FAM171A1: variants seen among roughly 807,000 people sequenced by gnomAD.
FAM171A1 encodes protein FAM171A1.
FAM171A1 carries 23 observed loss-of-function variants against 74.9 expected under a neutral mutation model. The observed-to-expected ratio is 0.31, with a 90% CI of 0.22 to 0.44. The LOEUF is 0.44. FAM171A1 is among the 20% of genes least tolerant of loss of function. FAM171A1 has a pLI of 1.00. For synonymous variants in FAM171A1, 527 were observed against 505.7 expected, an observed-to-expected ratio of 1.04 and a Z score of -0.57; for missense variants, 1,162 against 1,159.2, an observed-to-expected ratio of 1.00 and a Z score of -0.03.
Position 15,254,801 on chromosome 10 carries a change from G to T in FAM171A1, c.497C>A (p.Thr166Asn), listed in dbSNP as rs138799489. The T allele has an allele frequency of 1.5e-3, 2,483 of 1,614,212 alleles. 6 individuals carry two copies. The highest frequency in any genetic ancestry group is 2.4e-3 in the Admixed American group (145 of 60,028). Residue 166 changes from threonine to asparagine, a missense_variant, in exon 4 of 8, where the codon ACC becomes AAC. Transcript: ENST00000378116. ...LPENTSYSDL[T>N]AFLTAASSPS... ...GGAGCTGGCGGCCGTGAGAAACGCG[G>T]TCAGGTCACTGTAGCTGGTGTTCTC...
intron 1 of FAM171A1, among the ~76,000 whole-genome samples, chr10:15,293,518 C>G (rs1835125939): frequency 6.9e-6 from 1 of 144,294 alleles, no homozygotes; most frequent in Non-Finnish European, 1.5e-5. Flanking sequence ...TGCCAGAAAG[C>G]AAAAAGAATG....
At chr10:15,356,195 T>C (rs1242654905) in intron 1 of FAM171A1, among the ~76,000 whole-genome samples, 2 of 150,850 alleles carry the variant, frequency 1.3e-5, no homozygotes, top group Non-Finnish European at 3.0e-5. Context: ...TAAAAATCAA[T>C]TCATATATAT....
intron 1 of FAM171A1, among the ~76,000 whole-genome samples, chr10:15,285,672 T>C (rs533266749): frequency 1.3e-5 from 2 of 152,348 alleles, no homozygotes; most frequent in African/African-American, 4.8e-5. Context: ...CCTGGTCACT[T>C]GCAGGCACCA....
At position 15,216,014 on chromosome 10, in the gene FAM171A1, A is replaced by G; in HGVS notation, c.968T>C (p.Leu323Pro). 6.2e-7 allele frequency: 1 copy of G among 1,605,070 alleles called. No individual in the cohort carries two copies. Among genetic ancestry groups the G allele is most frequent in the South Asian group, 1.1e-5 (1 of 88,742 alleles). Residue 323 changes from leucine (L) to proline (P), a missense_variant, in exon 7 of 8, where the codon CTC (leucine) becomes CCC (proline). Leu to Pro is a moderately conservative substitution (Grantham distance 98). Transcript: ENST00000378116. ...MAFILLVLLC[L>P]LLYYCRRKCL... ...ACTTTACCTGCAATAATATAAAAGG[A>G]GACACAGCAAAACCAAAAGTATGAA...
rs1480231449 is a variant in FAM171A1 at position 15,368,598 on chromosome 10, A to T, written c.97+2358T>A. ...CTTCTTAAAATGCAAGCCAATGATGATCACTAAAGGTTGCGTTATGGTGTA... is the reference window on the plus strand; with the variant it reads ...CTTCTTAAAATGCAAGCCAATGATGTTCACTAAAGGTTGCGTTATGGTGTA... On this transcript the variant is annotated intron_variant, in intron 1 of 7. Transcript: ENST00000378116. Among the ~76,000 whole-genome samples the T allele has an allele frequency of 5.9e-5, 9 of 152,342 alleles. No homozygotes were observed. The South Asian group carries it at 1.4e-3, about 25-fold the overall frequency.
intron 1 of FAM171A1, among the ~76,000 whole-genome samples, chr10:15,291,937 CATGGAAATTCTAGA>C: frequency 6.6e-6 from 1 of 152,252 alleles, no homozygotes; most frequent in African/African-American, 2.4e-5. Flanking sequence ...AAATTTTCAA[CATGGAAATTCTAGA>C]ATGCATATAT....
At chr10:15,275,719 T>G in intron 3 of FAM171A1, 136 bp downstream of exon 3, 1 of 493,710 alleles carries the variant, frequency 2.0e-6, no homozygotes, top group East Asian at 3.2e-5. Context: ...ATAGACAAGT[T>G]AATGATGGGT....
chr10:15,267,756 C>T (rs1421216779), intron 3 of FAM171A1, among the ~76,000 whole-genome samples: 1 of 152,018 alleles, frequency 6.6e-6, no homozygotes, highest in East Asian at 1.9e-4. Context: ...GTGAAGTGTC[C>T]AGCTGTCAGG....
intron 3 of FAM171A1, among the ~76,000 whole-genome samples, chr10:15,258,735 G>T (rs1834618657): frequency 6.6e-6 from 1 of 152,104 alleles, no homozygotes; most frequent in Non-Finnish European, 1.5e-5. Context: ...TGCCCCTCCT[G>T]CCCACAATCC....
intron 5 of FAM171A1, among the ~76,000 whole-genome samples, chr10:15,233,155 C>T (rs546336646): frequency 6.6e-6 from 1 of 151,926 alleles, no homozygotes; most frequent in South Asian, 2.1e-4. Context: ...ATTAGCTTGG[C>T]GTGGTGGCCG....
intron 6 of FAM171A1, among the ~76,000 whole-genome samples, chr10:15,217,247 A>G (rs1833978715): frequency 6.6e-6 from 1 of 152,206 alleles, no homozygotes; most frequent in African/African-American, 2.4e-5. Flanking sequence ...AAACCTCCCA[A>G]CATTCCAATA....
At chr10:15,368,821 T>C (rs548852269) in intron 1 of FAM171A1, among the ~76,000 whole-genome samples, 2 of 152,228 alleles carry the variant, frequency 1.3e-5, no homozygotes, top group Admixed American at 6.5e-5. Context: ...AACATTAAGA[T>C]GCTTTGAAGA....
chr10:15,322,532 C>G (rs1219427826), intron 1 of FAM171A1, among the ~76,000 whole-genome samples: 2 of 152,198 alleles, frequency 1.3e-5, no homozygotes, highest in African/African-American at 4.8e-5. Context: ...CCCAAAAGGA[C>G]ACTGCATGCA....
At chr10:15,346,988 G>A (rs1752533076) in intron 1 of FAM171A1, among the ~76,000 whole-genome samples, 1 of 152,184 alleles carries the variant, frequency 6.6e-6, no homozygotes, top group Non-Finnish European at 1.5e-5. Context: ...TGGACATGGT[G>A]CAAAAAACAC....
At chr10:15,225,071 C>T (rs3935884) in intron 5 of FAM171A1, among the ~76,000 whole-genome samples, 73,877 of 152,124 alleles carry the variant, frequency 0.49, 19,195 homozygotes, top group African/African-American at 0.68. Context: ...TACTGCATCA[C>T]CCATTTGCCA....
At chr10:15,274,791 T>C (rs1834871869) in intron 3 of FAM171A1, among the ~76,000 whole-genome samples, 1 of 152,180 alleles carries the variant, frequency 6.6e-6, no homozygotes, top group African/African-American at 2.4e-5. Context: ...GGGGAAATGA[T>C]TCCCTATTTA....
At chr10:15,338,887 T>G (rs2131867724) in intron 1 of FAM171A1, among the ~76,000 whole-genome samples, 1 of 152,176 alleles carries the variant, frequency 6.6e-6, no homozygotes, top group East Asian at 1.9e-4. Context: ...ATCACAGGCA[T>G]GCGCCACCAC....
At chr10:15,249,079 G>A (rs538947927) in intron 4 of FAM171A1, among the ~76,000 whole-genome samples, 1 of 146,904 alleles carries the variant, frequency 6.8e-6, no homozygotes, top group East Asian at 2.0e-4. Context: ...CTGGAATCTA[G>A]GCTCAGGTTT....
chr10:15,270,901 G>A (rs10906877), intron 3 of FAM171A1, among the ~76,000 whole-genome samples: 44,793 of 151,974 alleles, frequency 0.29, 7,888 homozygotes, highest in East Asian at 0.57. Flanking sequence ...AAGACCAAAG[G>A]TAGATAAAAC....
Sources: gnomAD v4.1 joint callset for allele counts (sites outside exome capture counted in the v4.1 genomes callset) on GRCh38, gnomAD v4.1.1 for gene constraint, MANE v1.5 for transcripts, NCBI Gene and HGNC (gene_info 2026-07-23, HGNC 2026-07-21) for gene names.